The following BMPR1A variants were observed in gnomAD, a reference collection of about 807,000 sequenced individuals.
BMPR1A encodes bone morphogenetic protein receptor type 1A.
BMPR1A carries 7 observed loss-of-function variants against 66.0 expected under a neutral mutation model. The ratio of observed to expected loss-of-function variants is 0.11; its 90% CI spans 0.06 to 0.20. The LOEUF is 0.20. BMPR1A is among the 10% of genes least tolerant of loss of function. The pLI, the probability that BMPR1A is intolerant of heterozygous loss-of-function variation, is 1.00. For missense variants in BMPR1A, 408 were observed against 669.1 expected (o/e 0.61, Z 4.31); for synonymous variants, 200 against 229.7 (o/e 0.87, Z 1.17).
At chr10:86,894,987 A>C (rs1445270220) in intron 5 of BMPR1A, among the ~76,000 whole-genome samples, 1 of 152,194 alleles carries the variant, frequency 6.6e-6, no homozygotes, top group African/African-American at 2.4e-5. Context: ...TCTTTCCCTT[A>C]GTCACTTTTC....
chr10:86,907,507 A>G (rs572442871), intron 7 of BMPR1A, among the ~76,000 whole-genome samples: 2 of 152,338 alleles, frequency 1.3e-5, no homozygotes, highest in South Asian at 4.1e-4. Context: ...AAATCAGTAT[A>G]TTGAAGGCCT....
intron 8 of BMPR1A, among the ~76,000 whole-genome samples, chr10:86,916,478 G>C (rs1253668815): frequency 6.6e-6 from 1 of 152,212 alleles, no homozygotes; most frequent in African/African-American, 2.4e-5. Context: ...GCAAGCCCCA[G>C]TCCACAAACA....
At chr10:86,847,986 C>G (rs1488377162) in intron 2 of BMPR1A, among the ~76,000 whole-genome samples, 1 of 151,038 alleles carries the variant, frequency 6.6e-6, no homozygotes, top group Admixed American at 6.6e-5. Context: ...AGTTGGAGTA[C>G]AGTGGTGCCA....
chr10:86,820,155 A>C lies in BMPR1A; in HGVS notation c.-267-18710A>C, dbSNP rs1396924918. On this transcript the variant is annotated intron_variant, in intron 1 of 12. Transcript: ENST00000372037. ...CCTCCCAGGCTCAAGTGGTTCTCTC[A>C]CCTCAGCCTCCTGAATAGCTGGGAC... is the stretch of plus-strand genomic sequence containing the variant. Among the ~76,000 whole-genome samples, 3 of 152,104 alleles carry C rather than the reference A, an allele frequency of 2.0e-5. No individual in the cohort carries two copies. In the East Asian group the frequency reaches 5.8e-4, roughly 29 times the overall value.
intron 7 of BMPR1A, among the ~76,000 whole-genome samples, chr10:86,900,784 A>T (rs1053369532): frequency 3.9e-5 from 6 of 152,196 alleles, no homozygotes; most frequent in African/African-American, 1.4e-4. Context: ...TCTAGATAAT[A>T]GACTTGGAAT....
intron 2 of BMPR1A, among the ~76,000 whole-genome samples, chr10:86,863,728 T>C (rs1437698212): frequency 1.3e-5 from 2 of 152,150 alleles, no homozygotes; most frequent in African/African-American, 4.8e-5. Flanking sequence ...GTCAAAGTCC[T>C]GAGACTATTA....
intron 3 of BMPR1A, among the ~76,000 whole-genome samples, chr10:86,884,394 A>ATTTTTTTTTTTTTTTTTTTTTTTTTTTT (rs759424209): frequency 4.1e-5 from 2 of 49,330 alleles, no homozygotes; most frequent in African/African-American, 5.7e-5. Flanking sequence ...CAAACACATG[A>ATTTTTTTTTTTTTTTTTTTTTTTTTTTT]TTTTTTTTTT....
At chr10:86,899,339 C>A (rs1167092756) in intron 5 of BMPR1A, among the ~76,000 whole-genome samples, 1 of 152,218 alleles carries the variant, frequency 6.6e-6, no homozygotes, top group Admixed American at 6.5e-5. Context: ...GGATGCTCAA[C>A]TTGCCTCTGC....
intron 1 of BMPR1A, among the ~76,000 whole-genome samples, chr10:86,786,938 A>G (rs1221038540): frequency 6.6e-6 from 1 of 152,174 alleles, no homozygotes; most frequent in East Asian, 1.9e-4. Flanking sequence ...AAAGCATGAG[A>G]TAGGGCTTTT....
intron 1 of BMPR1A, among the ~76,000 whole-genome samples, chr10:86,786,124 T>C (rs1056865999): frequency 6.6e-6 from 1 of 152,186 alleles, no homozygotes; most frequent in Non-Finnish European, 1.5e-5. Flanking sequence ...CCCTCAATTA[T>C]TACGGAATGA....
intron 1 of BMPR1A, among the ~76,000 whole-genome samples, chr10:86,780,870 C>T (rs1320065750): frequency 1.4e-5 from 2 of 146,306 alleles, no homozygotes; most frequent in South Asian, 2.3e-4. Flanking sequence ...TAAAAATAAT[C>T]GTGTGAAATC....
intron 2 of BMPR1A, among the ~76,000 whole-genome samples, chr10:86,841,805 G>A (rs1842427721): frequency 6.6e-6 from 1 of 152,102 alleles, no homozygotes; most frequent in South Asian, 2.1e-4. Context: ...GAGGGGAGAA[G>A]GGCGAAGGTT....
chr10:86,858,278 A>G (rs185154129), intron 2 of BMPR1A, among the ~76,000 whole-genome samples: 10 of 152,338 alleles, frequency 6.6e-5, no homozygotes, highest in Admixed American at 6.5e-4. Flanking sequence ...ATTTATAATT[A>G]ATTTAGGAAC....
intron 3 of BMPR1A, among the ~76,000 whole-genome samples, chr10:86,889,032 C>T (rs1027232656): frequency 1.3e-5 from 2 of 152,122 alleles, no homozygotes; most frequent in African/African-American, 4.8e-5. Flanking sequence ...TAATGAAATA[C>T]ATATACACTT....
At chr10:86,852,573 AAAAG>A (rs1299037041) in intron 2 of BMPR1A, among the ~76,000 whole-genome samples, 7 of 152,198 alleles carry the variant, frequency 4.6e-5, no homozygotes, top group Non-Finnish European at 7.4e-5. Flanking sequence ...ATTTCAAAGA[AAAAG>A]AAACTTAGGA....
chr10:86,901,032 CT>C (rs1055109596), intron 7 of BMPR1A, among the ~76,000 whole-genome samples: 1 of 152,244 alleles, frequency 6.6e-6, no homozygotes, highest in Non-Finnish European at 1.5e-5. Flanking sequence ...AGCTTTGCAG[CT>C]TTCACCATGG....
intron 1 of BMPR1A, among the ~76,000 whole-genome samples, chr10:86,797,522 C>T (rs375863528): frequency 5.6e-4 from 85 of 152,082 alleles, no homozygotes; most frequent in Non-Finnish European, 1.0e-3. Context: ...TGAACTACTG[C>T]GCCCAGCCAA....
At chr10:86,760,472 A>G (rs1401243016) in intron 1 of BMPR1A, among the ~76,000 whole-genome samples, 1 of 151,934 alleles carries the variant, frequency 6.6e-6, no homozygotes. Flanking sequence ...TCCTGACCTC[A>G]GTTGATCCGC....
At chr10:86,886,759 CAGTTTG>C (rs1241485746) in intron 3 of BMPR1A, among the ~76,000 whole-genome samples, 3 of 150,800 alleles carry the variant, frequency 2.0e-5, no homozygotes, top group Non-Finnish European at 1.5e-5. Context: ...CACCTAAGAT[CAGTTTG>C]AGTTTGACAC....
Sources: allele counts gnomAD v4.1 joint callset (sites outside exome capture counted in the v4.1 genomes callset), GRCh38; gene constraint gnomAD v4.1.1; transcripts MANE v1.5; gene names NCBI Gene and HGNC (gene_info 2026-07-23, HGNC 2026-07-21).